The following ALDH5A1 variants were observed in gnomAD, a reference collection of about 807,000 sequenced individuals.
ALDH5A1 encodes the protein aldehyde dehydrogenase 5 family member A1.
ALDH5A1 carries 33 observed loss-of-function variants against 54.7 expected under a neutral mutation model. That is an observed-to-expected ratio of 0.60 (90% CI 0.46 to 0.81). The LOEUF (loss-of-function observed/expected upper bound fraction) is 0.81, where lower values mean the gene tolerates loss of function less well. Ranked by LOEUF, ALDH5A1 falls within the 30% of genes least tolerant of loss-of-function variation. ALDH5A1 has a pLI of 0.00. For missense variants in ALDH5A1, 657 were observed against 711.0 expected (o/e 0.92, Z 0.86); for synonymous variants, 294 against 292.7 (o/e 1.00, Z -0.05).
intron 4 of ALDH5A1, among the ~76,000 whole-genome samples, chr6:24,513,038 T>G (rs1391676561): frequency 6.6e-6 from 1 of 151,978 alleles, no homozygotes; most frequent in Non-Finnish European, 1.5e-5. Flanking sequence ...GCTTTTGTTG[T>G]CTATAGGGAT....
chr6:24,495,179 C>A lies in ALDH5A1; in HGVS notation c.183C>A (p.Thr61=), dbSNP rs776791710. Residue 61 remains threonine (T), a synonymous_variant, in exon 1 of 10, where the codon ACC becomes ACA. Coordinates refer to ENST00000357578, the MANE Select transcript of ALDH5A1 (RefSeq NM_001080.3). ...GCCTCTCTGCGGCGCTGCTGCGCAC[C>A]GACAGCTTCGTGGGCGGCCGCTGGC... is the stretch of plus-strand genomic sequence containing the variant. ...LAGLSAALLR[T]DSFVGGRWLP... 6.7e-7 allele frequency: 1 copy of A among 1,500,026 alleles called. No individual in the cohort carries two copies. The highest frequency in any genetic ancestry group is 8.8e-7 in the Non-Finnish European group (1 of 1,132,248). The allele number at this position is 1,500,026 out of a possible 1,614,324, so 92.9% of individuals were successfully genotyped here.
intron 4 of ALDH5A1, among the ~76,000 whole-genome samples, chr6:24,510,578 T>C (rs1012792330): frequency 2.6e-5 from 4 of 152,242 alleles, no homozygotes; most frequent in African/African-American, 9.6e-5. Flanking sequence ...CTTTTTTAAC[T>C]GCTGTTGCTT....
At chr6:24,526,978 A>ATCTAC (rs1759822325) in intron 7 of ALDH5A1, among the ~76,000 whole-genome samples, 1 of 22,980 alleles carries the variant, frequency 4.4e-5, no homozygotes, top group Admixed American at 3.7e-4. Context: ...GTGTGTGTAT[A>ATCTAC]TATATATATA....
At chr6:24,511,582 C>T (rs771518277) in intron 4 of ALDH5A1, among the ~76,000 whole-genome samples, 7 of 151,914 alleles carry the variant, frequency 4.6e-5, no homozygotes, top group Non-Finnish European at 8.8e-5. Flanking sequence ...TGAGCTTTGA[C>T]GTTCTTTCTT....
intron 4 of ALDH5A1, among the ~76,000 whole-genome samples, chr6:24,506,696 T>C (rs576577311): frequency 1.3e-5 from 2 of 152,354 alleles, no homozygotes; most frequent in South Asian, 4.1e-4. Context: ...GAAAATGGTT[T>C]ACTTTTTTGG....
intron 1 of ALDH5A1, among the ~76,000 whole-genome samples, chr6:24,501,617 G>T (rs1204107332): frequency 6.6e-6 from 1 of 152,114 alleles, no homozygotes; most frequent in Admixed American, 6.5e-5. Flanking sequence ...AGGCTGAGCT[G>T]GGGGGATCAC....
chr6:24,501,875 TTATATATATA>T (rs59853869), intron 1 of ALDH5A1, among the ~76,000 whole-genome samples: 9 of 144,538 alleles, frequency 6.2e-5, no homozygotes, highest in African/African-American at 2.1e-4. Context: ...AACCAATGTT[TTATATATATA>T]TATATATATA....
chr6:24,515,095 CTCT>C (rs1159756639), intron 4 of ALDH5A1, 69 bp from the exon 5 acceptor site: 2 of 1,424,868 alleles, frequency 1.4e-6, no homozygotes, highest in East Asian at 4.8e-5. Flanking sequence ...CTATTTATTT[CTCT>C]TTTCTTTTTT....
intron 9 of ALDH5A1, among the ~76,000 whole-genome samples, chr6:24,533,144 T>A (rs2760185): frequency 6.6e-6 from 1 of 151,758 alleles, no homozygotes; most frequent in African/African-American, 2.4e-5. Context: ...AAACTACTTG[T>A]GGGGGAGAGG....
rs1759614516 is a variant in ALDH5A1 at position 24,518,487 on chromosome 6, A to G, written c.871-1914A>G. 6.6e-6 allele frequency among the ~76,000 whole-genome samples: 1 copy of G among 152,250 alleles called. No homozygotes were observed. Among genetic ancestry groups the G allele is most frequent in the South Asian group, 2.1e-4 (1 of 4,830 alleles). On this transcript the variant is annotated intron_variant, in intron 5 of 9. Transcript: ENST00000357578. The surrounding 1 kb of genome is among the most constrained non-coding windows in gnomAD (Gnocchi z 4.2). ...GTGCTCAAGGCCAGGTGGAGGCAAA[A>G]TGGAGTGACCCAACAGTGAGAATCA...
rs1454272714 is a variant in ALDH5A1 at position 24,518,215 on chromosome 6, A to G, written c.871-2186A>G. Reference sequence around the variant, plus strand: ...AAACTTCTGCTCCTAAACTCAAAAAAAGAAAAAGAAAGAAAGGTAGGCTGG... The same window carrying G: ...AAACTTCTGCTCCTAAACTCAAAAAGAGAAAAAGAAAGAAAGGTAGGCTGG... On this transcript the variant is annotated intron_variant, in intron 5 of 9. Coordinates refer to ENST00000357578, the MANE Select transcript of ALDH5A1 (RefSeq NM_001080.3). The surrounding 1 kb of genome is among the most constrained non-coding windows in gnomAD (Gnocchi z 4.2). Among the ~76,000 whole-genome samples, 4 of 152,242 alleles carry G rather than the reference A, an allele frequency of 2.6e-5. No homozygotes were observed. Among genetic ancestry groups the G allele is most frequent in the African/African-American group, 9.6e-5 (4 of 41,460 alleles).
Position 24,495,113 on chromosome 6 carries a change from CG to C in ALDH5A1, c.119del (p.Gly40AlafsTer51). The C allele has an allele frequency of 7.6e-7, 1 of 1,311,064 alleles. No homozygotes were observed. The highest frequency in any genetic ancestry group is 9.6e-7 in the Non-Finnish European group (1 of 1,038,638). 81.2% of individuals were successfully genotyped at this position (1,311,064 alleles called of 1,614,324 possible). On this transcript the variant is annotated frameshift_variant, in exon 1 of 10. Transcript: ENST00000357578. LOFTEE classifies it high-confidence loss of function. ...TGGTCCCTGCCTCCGGGCCTGCGCC[CG>C]GCCCGGCCCAGCTCCGCTGCTACGC... The part of the protein sequence containing the change: ...GLVPASGPAP[G>X]PAQLRCYAGR...
Position 24,520,515 on chromosome 6 carries a change from A to G in ALDH5A1, c.985A>G (p.Met329Val), listed in dbSNP as rs1581818516. The change falls in exon 6 of 10, where the codon ATG becomes GTG. Residue 329 changes from methionine (M) to valine (V), a missense_variant. Coordinates refer to ENST00000357578, the MANE Select transcript of ALDH5A1 (RefSeq NM_001080.3). Reference protein sequence around the residue: ...ANVDQAVAGAMASKFRNTGQT... With the variant: ...ANVDQAVAGAVASKFRNTGQT... The stretch of plus-strand genomic sequence containing the variant: ...CGTGGACCAGGCTGTAGCAGGGGCC[A>G]TGGCATCTAAATTTAGGAACACTGG... 6.2e-7 allele frequency: 1 copy of G among 1,614,128 alleles called. No homozygotes were observed. Among genetic ancestry groups the G allele is most frequent in the African/African-American group, 1.3e-5 (1 of 75,036 alleles).
Position 24,535,162 on chromosome 6 carries a change from A to C in ALDH5A1, c.*1450A>C, listed in dbSNP as rs1229997961. ...GTGGTTATTCTGGGTTGTGGAAGGA[A>C]AATGTGAATGAAAGTAGTGCTGGAT... is the stretch of plus-strand genomic sequence containing the variant. On this transcript the variant is annotated 3_prime_UTR_variant, in exon 10 of 10. Transcript: ENST00000357578. 1 of 152,176 alleles carries C rather than the reference A, an allele frequency of 6.6e-6. No individual in the cohort carries two copies. The highest frequency in any genetic ancestry group is 1.5e-5 in the Non-Finnish European group (1 of 68,028). The allele number at this position is 152,176 out of a possible 1,614,324, so 9.4% of individuals were successfully genotyped here.
At chr6:24,497,565 AAG>A (rs1350056335) in intron 1 of ALDH5A1, among the ~76,000 whole-genome samples, 3 of 147,942 alleles carry the variant, frequency 2.0e-5, no homozygotes, top group Admixed American at 2.0e-4. Flanking sequence ...ATCCTCTTGT[AAG>A]ACAGAAAAGT....
rs563401625 is a variant in ALDH5A1 at position 24,509,035 on chromosome 6, G to T, written c.726+4050G>T. On this transcript the variant is annotated intron_variant, in intron 4 of 9. Transcript: ENST00000357578. The surrounding 1 kb of genome is among the most constrained non-coding windows in gnomAD (Gnocchi z 4.7). ...ATATTAGTCCTTTGTCAGATGTATAGATTGTGAAGACTTTCTCCTGCTCTG... is the reference window on the plus strand; with the variant it reads ...ATATTAGTCCTTTGTCAGATGTATATATTGTGAAGACTTTCTCCTGCTCTG... Among the ~76,000 whole-genome samples, 1 of 152,180 alleles carries T rather than the reference G, an allele frequency of 6.6e-6. No homozygotes were observed. The highest frequency in any genetic ancestry group is 1.5e-5 in the Non-Finnish European group (1 of 68,028).
intron 9 of ALDH5A1, among the ~76,000 whole-genome samples, chr6:24,532,698 T>C (rs1759958858): frequency 6.6e-6 from 1 of 151,914 alleles, no homozygotes. Flanking sequence ...AATTATGTAA[T>C]AGCATCCACA....
intron 1 of ALDH5A1, among the ~76,000 whole-genome samples, chr6:24,497,131 A>G (rs979722652): frequency 6.6e-6 from 1 of 152,156 alleles, no homozygotes; most frequent in Non-Finnish European, 1.5e-5. Context: ...TATTGTGAAG[A>G]GCAAAAGAAG....
At chr6:24,527,974 T>C in intron 7 of ALDH5A1, 23 bp from the exon 8 acceptor site, 2 of 1,612,210 alleles carry the variant, frequency 1.2e-6, no homozygotes, top group Non-Finnish European at 1.7e-6. Context: ...TGTGGAAAGC[T>C]TTTTTTCTTC....
Sources: allele counts gnomAD v4.1 joint callset (sites outside exome capture counted in the v4.1 genomes callset), GRCh38; gene constraint gnomAD v4.1.1; non-coding constraint Gnocchi (gnomAD v3.1); transcripts MANE v1.5; gene names NCBI Gene and HGNC (gene_info 2026-07-23, HGNC 2026-07-21).